The following CLCN1 variants were observed in gnomAD, a reference collection of about 807,000 sequenced individuals.
The protein encoded by CLCN1 is chloride voltage-gated channel 1.
Under a neutral mutation model 114.5 loss-of-function variants are expected in CLCN1, and 100 were observed. That is an observed-to-expected ratio of 0.87 (90% CI 0.74 to 1.03). CLCN1 has a LOEUF of 1.03. Ranked by LOEUF, CLCN1 falls within the 50% of genes least tolerant of loss-of-function variation. The pLI, the probability that CLCN1 is intolerant of heterozygous loss-of-function variation, is 0.00. For missense variants in CLCN1, 1,188 were observed against 1,250.0 expected, an observed-to-expected ratio of 0.95 and a Z score of 0.75; for synonymous variants, 485 against 487.1, an observed-to-expected ratio of 1.00 and a Z score of 0.06.
rs1211989880 is a variant in CLCN1 at position 143,345,767 on chromosome 7, C to T, written c.2172+5C>T. Reference sequence around the variant, plus strand: ...GACCTCTCTGGCAAGAGCGAGGTGACCGCGCCGGGAAGGGCTAGGGAGTGG... The same window carrying T: ...GACCTCTCTGGCAAGAGCGAGGTGATCGCGCCGGGAAGGGCTAGGGAGTGG... On this transcript the variant is annotated splice_donor_5th_base_variant and intron_variant, in intron 17 of 22. Coordinates refer to ENST00000343257, the MANE Select transcript of CLCN1 (RefSeq NM_000083.3). 2 of 1,605,466 alleles carry T rather than the reference C, an allele frequency of 1.2e-6. No individual in the cohort carries two copies. Among genetic ancestry groups the T allele is most frequent in the South Asian group, 2.2e-5 (2 of 89,572 alleles).
intron 16 of CLCN1, 31 bp downstream of exon 16, chr7:143,342,536 G>T (rs767167207): frequency 6.2e-7 from 1 of 1,613,068 alleles, no homozygotes. Context: ...CGACTCCAGA[G>T]CTAGTGACCT....
chr7:143,346,012 A>T, intron 17 of CLCN1, 128 bp from the exon 18 acceptor site: 2 of 817,822 alleles, frequency 2.4e-6, no homozygotes, highest in East Asian at 5.2e-5. Flanking sequence ...ATTCAAAGGG[A>T]TATAGGAATT....
Position 143,346,897 on chromosome 7 carries a change from T to C in CLCN1, c.2365-14T>C, listed in dbSNP as rs771435014. ...AAAAGGGAAAGAACTTGGACCTATG[T>C]CTTTCTTCTCTAGGATTCCACAGAT... On this transcript the variant is annotated splice_polypyrimidine_tract_variant and intron_variant, in intron 19 of 22. Transcript: ENST00000343257. The C allele has an allele frequency of 6.2e-7, 1 of 1,613,082 alleles. No homozygotes were observed.
In CLCN1 at chr7:143,321,140, C is replaced by T. The variant is rs1391493049; in HGVS notation, c.434-225C>T. Among the ~76,000 whole-genome samples the T allele has an allele frequency of 5.3e-5, 8 of 152,202 alleles. 1 individual carries two copies. The highest frequency in any genetic ancestry group is 1.2e-4 in the Non-Finnish European group (8 of 68,032). ...ACCGGGTGGTTGGTCACACCCAGGC[C>T]TCCAGACCCTGTACTCCAGTGGGAT... On this transcript the variant is annotated intron_variant, in intron 3 of 22. Transcript: ENST00000343257. The surrounding 1 kb of genome is among the most constrained non-coding windows in gnomAD (Gnocchi z 4.2).
rs10238223 is a variant in CLCN1, at chr7:143,326,825, T to C, written c.853+2333T>C. 6.6e-5 allele frequency among the ~76,000 whole-genome samples: 10 copies of C among 152,140 alleles called. 1 individual carries two copies. Among genetic ancestry groups the C allele is most frequent in the African/African-American group, 2.4e-4 (10 of 41,420 alleles). On this transcript the variant is annotated intron_variant, in intron 7 of 22. Coordinates refer to ENST00000343257, the MANE Select transcript of CLCN1 (RefSeq NM_000083.3). ...AGACTCTCATGGCTATGTATAAGAA[T>C]ATGGAATTTATTCTCTAGACTAGGA...
chr7:143,339,225 G>T lies in CLCN1; in HGVS notation c.1402-28G>T, dbSNP rs2272253. On this transcript the variant is annotated intron_variant, in intron 12 of 22. Transcript: ENST00000343257. This position sits in a 1 kb window ranked among gnomAD's most constrained non-coding sequence, Gnocchi z 4.1. ...CATGTCTATTGGGCAGAGTTGAAAG[G>T]GTATTCCAACGCTTCTTTCTACTCC... is the stretch of plus-strand genomic sequence containing the variant. 6.8e-7 allele frequency: 1 copy of T among 1,462,322 alleles called. No homozygotes were observed. The highest frequency in any genetic ancestry group is 1.1e-5 in the South Asian group (1 of 87,872). 90.6% of individuals were successfully genotyped at this position (1,462,322 alleles called of 1,614,324 possible). A position where few individuals can be genotyped will look rare whatever the true frequency, so the allele number is the denominator to read the frequency against.
chr7:143,317,421 G>A (rs1802316846), intron 1 of CLCN1, among the ~76,000 whole-genome samples: 1 of 151,866 alleles, frequency 6.6e-6, no homozygotes, highest in Non-Finnish European at 1.5e-5. Flanking sequence ...GCAAATTTTT[G>A]TACTTTCAGT....
Position 143,346,963 on chromosome 7 carries a change from A to C in CLCN1, c.2403+14A>C, listed in dbSNP as rs1803266648. 2 of 1,609,022 alleles carry C rather than the reference A, an allele frequency of 1.2e-6. No homozygotes were observed. The highest frequency in any genetic ancestry group is 4.5e-5 in the East Asian group (2 of 44,866). Reference sequence around the variant, plus strand: ...TCACCTGAAGAGGTGAGTAAGGGAAATGGAAACCTGGGGTGGATTGTTCTA... The same window carrying C: ...TCACCTGAAGAGGTGAGTAAGGGAACTGGAAACCTGGGGTGGATTGTTCTA... On this transcript the variant is annotated intron_variant, in intron 20 of 22. Transcript: ENST00000343257.
At chr7:143,336,546 G>A (rs1802898934) in intron 12 of CLCN1, among the ~76,000 whole-genome samples, 3 of 145,430 alleles carry the variant, frequency 2.1e-5, no homozygotes, top group Admixed American at 1.4e-4. Context: ...GGAGCCAGAG[G>A]TGGCAGTGAG....
In CLCN1 at chr7:143,331,658, T is replaced by C; in HGVS notation, c.1166+6T>C. 6.3e-7 allele frequency: 1 copy of C among 1,592,500 alleles called. No homozygotes were observed. The highest frequency in any genetic ancestry group is 1.1e-5 in the South Asian group (1 of 90,644). On this transcript the variant is annotated splice_donor_region_variant and intron_variant, in intron 10 of 22. Coordinates refer to ENST00000343257, the MANE Select transcript of CLCN1 (RefSeq NM_000083.3). ...AGCCAGTTTCTTGCTAAGCAGTGAG[T>C]CACTGCCCTTCTTTTGCCCTACCCA...
Position 143,342,080 on chromosome 7 carries a change from T to A in CLCN1, c.1734T>A (p.Tyr578Ter). 1 of 1,614,172 alleles carries A rather than the reference T, an allele frequency of 6.2e-7. No individual in the cohort carries two copies. The highest frequency in any genetic ancestry group is 8.5e-7 in the Non-Finnish European group (1 of 1,180,030). Residue 578 changes from tyrosine to a stop codon, truncating the protein, a stop_gained, in exon 15 of 23, where the codon TAT becomes TAA. Coordinates refer to ENST00000343257, the MANE Select transcript of CLCN1 (RefSeq NM_000083.3). LOFTEE classifies it high-confidence loss of function. Reference protein sequence around the residue: ...MVAQSLQPSLYDSIIQVKKLP... With the variant: ...MVAQSLQPSL ...CCCAGAGCCTGCAGCCCTCTCTCTA[T>A]GACAGCATCATCCAGGTCAAGAAGC...
Position 143,321,887 on chromosome 7 carries a change from C to T in CLCN1, c.696+39C>T. 1 of 1,607,278 alleles carries T rather than the reference C, an allele frequency of 6.2e-7. No individual in the cohort carries two copies. Among genetic ancestry groups the T allele is most frequent in the Non-Finnish European group, 8.5e-7 (1 of 1,176,778 alleles). On this transcript the variant is annotated intron_variant, in intron 5 of 22. Coordinates refer to ENST00000343257, the MANE Select transcript of CLCN1 (RefSeq NM_000083.3). The surrounding 1 kb of genome is among the most constrained non-coding windows in gnomAD (Gnocchi z 4.2). ...GACTGAAGCCAGAGCTGGGAGGGGCCCTCAGGAGCCAGGGTGGCACCAACT... is the reference window on the plus strand; with the variant it reads ...GACTGAAGCCAGAGCTGGGAGGGGCTCTCAGGAGCCAGGGTGGCACCAACT...
chr7:143,317,891 G>A (rs532784917), intron 1 of CLCN1, among the ~76,000 whole-genome samples: 5 of 152,230 alleles, frequency 3.3e-5, no homozygotes, highest in South Asian at 2.1e-4. Context: ...GTTCTCACTC[G>A]TGTACATGGT....
chr7:143,344,053 T>C (rs1376860841), intron 16 of CLCN1, among the ~76,000 whole-genome samples: 1 of 152,220 alleles, frequency 6.6e-6, no homozygotes, highest in Non-Finnish European at 1.5e-5. Flanking sequence ...TTGGCCAGGC[T>C]GGTCTCGAAC....
chr7:143,331,516 CTG>C, intron 9 of CLCN1, 33 bp from the exon 10 acceptor site: 1 of 1,458,324 alleles, frequency 6.9e-7, no homozygotes, highest in Non-Finnish European at 9.6e-7. Flanking sequence ...GATTTCATGT[CTG>C]TAAGATTCCA....
At position 143,350,873 on chromosome 7, in the gene CLCN1, G is replaced by A. The variant is rs976097929; in HGVS notation, c.2595+219G>A. ...GCTCACTGCAACCTCCGCCTCCCGG[G>A]TTCAAGTGATTCTCCTGCCTCAGCC... is the stretch of plus-strand genomic sequence containing the variant. On this transcript the variant is annotated intron_variant, in intron 22 of 22. Coordinates refer to ENST00000343257, the MANE Select transcript of CLCN1 (RefSeq NM_000083.3). This position sits in a 1 kb window ranked among gnomAD's most constrained non-coding sequence, Gnocchi z 5.1. Among the ~76,000 whole-genome samples the A allele has an allele frequency of 1.3e-5, 2 of 151,972 alleles. No individual in the cohort carries two copies. The highest frequency in any genetic ancestry group is 2.9e-5 in the Non-Finnish European group (2 of 67,998).
In CLCN1 at chr7:143,339,046, C is replaced by A. The variant is rs961788098; in HGVS notation, c.1402-207C>A. On this transcript the variant is annotated intron_variant, in intron 12 of 22. Coordinates refer to ENST00000343257, the MANE Select transcript of CLCN1 (RefSeq NM_000083.3). This position sits in a 1 kb window ranked among gnomAD's most constrained non-coding sequence, Gnocchi z 4.1. ...GATTTGGTCTAGCCATCTAGAGGAA[C>A]CTTCTGATAGTATTGTCTTTGGTGA... is the stretch of plus-strand genomic sequence containing the variant. Among the ~76,000 whole-genome samples the A allele has an allele frequency of 1.3e-5, 2 of 152,162 alleles. No individual in the cohort carries two copies. Among genetic ancestry groups the A allele is most frequent in the African/African-American group, 2.4e-5 (1 of 41,432 alleles).
At chr7:143,331,513 T>C in intron 9 of CLCN1, 38 bp from the exon 10 acceptor site, 1 of 1,442,050 alleles carries the variant, frequency 6.9e-7, no homozygotes. Context: ...GAGGATTTCA[T>C]GTCTGTAAGA....
In CLCN1 at chr7:143,334,008, G is replaced by A. The variant is rs556301032; in HGVS notation, c.1401+1135G>A. Among the ~76,000 whole-genome samples, 137 of 152,328 alleles carry A rather than the reference G, an allele frequency of 9.0e-4. 3 individuals carry two copies. In the South Asian group the frequency reaches 0.027, roughly 29 times the overall value. ...AGAGGTGGGTCATCTGAGGTCAGGAGTTGGAGACTAGCCTGACCAACATGG... is the reference window on the plus strand; with the variant it reads ...AGAGGTGGGTCATCTGAGGTCAGGAATTGGAGACTAGCCTGACCAACATGG... On this transcript the variant is annotated intron_variant, in intron 12 of 22. Transcript: ENST00000343257.
Sources: allele counts gnomAD v4.1 joint callset (sites outside exome capture counted in the v4.1 genomes callset), GRCh38; gene constraint gnomAD v4.1.1; non-coding constraint Gnocchi (gnomAD v3.1); transcripts MANE v1.5; gene names NCBI Gene and HGNC (gene_info 2026-07-23, HGNC 2026-07-21).